The following PCDHA2 variants were observed in gnomAD, a reference collection of about 807,000 sequenced individuals.
PCDHA2 encodes the protein protocadherin alpha-2.
A neutral mutation model predicts 66.0 loss-of-function variants in PCDHA2; 58 were observed. That is an observed-to-expected ratio of 0.88 (90% CI 0.71 to 1.09). PCDHA2 has a LOEUF of 1.09. Ranked by LOEUF, PCDHA2 falls within the 50% of genes least tolerant of loss-of-function variation. PCDHA2 has a pLI of 0.00. For synonymous variants in PCDHA2, 634 were observed against 554.0 expected (o/e 1.14, Z -2.03); for missense variants, 1,267 against 1,242.3 (o/e 1.02, Z -0.30).
At chr5:140,865,298 C>T (rs1213333279) in intron 1 of PCDHA2, 2 of 152,028 alleles carry the variant, frequency 1.3e-5, no homozygotes, top group Non-Finnish European at 2.9e-5. Flanking sequence ...CTTTTTGGCT[C>T]TAATTACAAA....
intron 1 of PCDHA2, chr5:140,852,164 G>A (rs1176947336): frequency 2.4e-6 from 2 of 829,782 alleles, no homozygotes; most frequent in Non-Finnish European, 3.0e-6. Context: ...TGAGAATAGA[G>A]CCACAAAAAT....
chr5:140,884,123 C>A (rs1360744073), intron 1 of PCDHA2: 4 of 1,613,232 alleles, frequency 2.5e-6, no homozygotes, highest in Non-Finnish European at 3.4e-6. Context: ...GGTCGGCGCG[C>A]GCATCCCGTT....
Position 140,968,978 on chromosome 5 carries a change from G to T in PCDHA2, c.2389-9971G>T, listed in dbSNP as rs782147151. ...CAAGTGCTACCGCTACACTGCGTATGGCACTGCATGCTGTGGAGGCTTCTG... is the reference window on the plus strand; with the variant it reads ...CAAGTGCTACCGCTACACTGCGTATTGCACTGCATGCTGTGGAGGCTTCTG... On this transcript the variant is annotated intron_variant, in intron 1 of 3. Coordinates refer to ENST00000526136, the MANE Select transcript of PCDHA2 (RefSeq NM_018905.3). The T allele has an allele frequency of 8.7e-6, 14 of 1,614,212 alleles. No homozygotes were observed. Among genetic ancestry groups the T allele is most frequent in the Non-Finnish European group, 1.2e-5 (14 of 1,180,042 alleles).
At chr5:140,801,038 A>C in intron 1 of PCDHA2, 1 of 1,431,150 alleles carries the variant, frequency 7.0e-7, no homozygotes, top group Non-Finnish European at 9.1e-7. Flanking sequence ...CTTTCTCCAC[A>C]AAAGAAATAA....
chr5:140,968,134 G>C, intron 1 of PCDHA2: 1 of 1,614,146 alleles, frequency 6.2e-7, no homozygotes, highest in Non-Finnish European at 8.5e-7. Context: ...GTACACTGAA[G>C]GTTGAGATCT....
intron 1 of PCDHA2, chr5:140,827,904 G>T: frequency 2.5e-6 from 2 of 786,506 alleles, no homozygotes; most frequent in East Asian, 2.5e-5. Context: ...TTTTGGAGCC[G>T]CATGATGTCG....
chr5:140,822,820 A>T (rs2150119640), intron 1 of PCDHA2: 47 of 1,614,166 alleles, frequency 2.9e-5, no homozygotes, highest in Non-Finnish European at 3.9e-5. Context: ...TACCCCAGAG[A>T]TGGCCATAAC....
chr5:140,838,732 T>G (rs2150291924), intron 1 of PCDHA2, among the ~76,000 whole-genome samples: 1 of 152,114 alleles, frequency 6.6e-6, no homozygotes, highest in African/African-American at 2.4e-5. Context: ...GTCTAGTAGT[T>G]TGAGACCAGC....
intron 1 of PCDHA2, chr5:140,966,476 C>G: frequency 2.3e-6 from 1 of 432,972 alleles, no homozygotes; most frequent in Non-Finnish European, 4.0e-6. Flanking sequence ...CTTCTGTTTC[C>G]TTTTCCCTCC....
At chr5:140,968,190 C>A (rs782155295) in intron 1 of PCDHA2, 2 of 1,613,954 alleles carry the variant, frequency 1.2e-6, no homozygotes, top group African/African-American at 2.7e-5. Flanking sequence ...GACTCCTATT[C>A]CATCTACATA....
At chr5:140,829,374 G>C in intron 1 of PCDHA2, 2 of 1,614,224 alleles carry the variant, frequency 1.2e-6, no homozygotes, top group Non-Finnish European at 1.7e-6. Flanking sequence ...GTAACCGCGC[G>C]GGACGGGGGC....
Position 140,795,306 on chromosome 5 carries a change from G to A in PCDHA2, c.342G>A (p.Leu114=). Residue 114 remains leucine, a synonymous_variant, in exon 1 of 4, where the codon CTG becomes CTA. Transcript: ENST00000526136. ...TGGAGGTGATCGTGGACAGGCCGCT[G>A]CAGGTTTTCCATGTGGAAGTGGAGG... ...IHVEVIVDRP[L]QVFHVEVEVK... 6.2e-7 allele frequency: 1 copy of A among 1,614,246 alleles called. No individual in the cohort carries two copies. Among genetic ancestry groups the A allele is most frequent in the East Asian group, 2.2e-5 (1 of 44,888 alleles).
At chr5:140,828,499 G>A (rs2150156076) in intron 1 of PCDHA2, 7 of 1,614,142 alleles carry the variant, frequency 4.3e-6, no homozygotes, top group Admixed American at 1.7e-5. Flanking sequence ...TCCCGGTAGA[G>A]GAACAAAGAG....
chr5:141,009,514 A>T (rs2098410382), intron 3 of PCDHA2, 113 bp from the exon 4 acceptor site: 5 of 1,501,204 alleles, frequency 3.3e-6, no homozygotes, highest in African/African-American at 1.4e-5. Context: ...ACAACTCGTG[A>T]TTTTTCTGGG....
intron 1 of PCDHA2, chr5:140,829,700 G>C (rs188962276): frequency 6.2e-7 from 1 of 1,613,364 alleles, no homozygotes; most frequent in Admixed American, 1.7e-5. Context: ...TCAGGTGAGC[G>C]CGCGCGACGC....
chr5:140,999,775 A>T (rs2097875590), intron 3 of PCDHA2, among the ~76,000 whole-genome samples: 1 of 152,178 alleles, frequency 6.6e-6, no homozygotes, highest in African/African-American at 2.4e-5. Context: ...TATACTCTTA[A>T]CCTAGAAATG....
intron 1 of PCDHA2, chr5:140,835,470 GCC>G: frequency 6.2e-7 from 1 of 1,613,868 alleles, no homozygotes; most frequent in Non-Finnish European, 8.5e-7. Flanking sequence ...TCCAGAGGAC[GCC>G]CAACCAGGTA....
rs143182337 is a variant in PCDHA2 at position 140,938,958 on chromosome 5, G to A, written c.2389-39991G>A. On this transcript the variant is annotated intron_variant, in intron 1 of 3. Coordinates refer to ENST00000526136, the MANE Select transcript of PCDHA2 (RefSeq NM_018905.3). ...TTTCCATTCTTATAATGCTCTAGTC[G>A]GAGTTTGGCATCAAGGCTATCCTGG... 3.2e-3 allele frequency among the ~76,000 whole-genome samples: 486 copies of A among 152,204 alleles called. 2 individuals carry two copies. Among genetic ancestry groups the A allele is most frequent in the Middle Eastern group, 0.014 (4 of 294 alleles).
chr5:140,802,945 G>T lies in PCDHA2; in HGVS notation c.2388+5593G>T, dbSNP rs782172179. ...GGCGCAGTGAGCGAGCTGGTGCCGC[G>T]GTCAGTGGGTGCGGGCCACGTGGTA... On this transcript the variant is annotated intron_variant, in intron 1 of 3. Transcript: ENST00000526136. The T allele has an allele frequency of 7.4e-6, 12 of 1,613,774 alleles. No homozygotes were observed. The African/African-American group carries it at 1.3e-4, about 18-fold the overall frequency.
Sources: allele counts gnomAD v4.1 joint callset (sites outside exome capture counted in the v4.1 genomes callset), GRCh38; gene constraint gnomAD v4.1.1; transcripts MANE v1.5; gene names NCBI Gene and HGNC (gene_info 2026-07-23, HGNC 2026-07-21).